The following NPSR1 variants were observed in gnomAD, a reference collection of about 807,000 sequenced individuals.
NPSR1 encodes neuropeptide S receptor 1, also known as neuropeptide S receptor.
A neutral mutation model predicts 46.9 loss-of-function variants in NPSR1; 48 were observed. The ratio of observed to expected loss-of-function variants is 1.02; its 90% CI spans 0.81 to 1.30. NPSR1 has a LOEUF of 1.30. Among genes scored for constraint, NPSR1 ranks in the 50% most tolerant of loss-of-function variants. NPSR1 has a pLI of 0.00. For synonymous variants in NPSR1, 176 were observed against 168.1 expected (o/e 1.05, Z -0.36); for missense variants, 450 against 449.5 (o/e 1.00, Z -0.01).
intron 3 of NPSR1, among the ~76,000 whole-genome samples, chr7:34,784,974 G>T (rs963893508): frequency 6.6e-6 from 1 of 152,052 alleles, no homozygotes; most frequent in Non-Finnish European, 1.5e-5. Context: ...TCAGTGTGGC[G>T]ATTCCTCAGG....
At position 34,776,882 on chromosome 7, in the gene NPSR1, G is replaced by A. The variant is rs563270864; in HGVS notation, c.281-1580G>A. On this transcript the variant is annotated intron_variant, in intron 2 of 8. Transcript: ENST00000360581. ...TCCAGGAGCTAGAGCTTGGAAAGGCGGCCTCTCAGAGCTGACTAGTGCCCT... is the reference window on the plus strand; with the variant it reads ...TCCAGGAGCTAGAGCTTGGAAAGGCAGCCTCTCAGAGCTGACTAGTGCCCT... Among the ~76,000 whole-genome samples the A allele has an allele frequency of 6.6e-5, 10 of 152,276 alleles. No individual in the cohort carries two copies. The East Asian group carries it at 1.2e-3, about 18-fold the overall frequency.
chr7:34,871,160 T>G (rs1791444318), intron 8 of NPSR1, among the ~76,000 whole-genome samples: 2 of 151,792 alleles, frequency 1.3e-5, no homozygotes, highest in African/African-American at 4.9e-5. Flanking sequence ...CATCTGCTTC[T>G]GCTGAGGGCC....
intron 3 of NPSR1, among the ~76,000 whole-genome samples, chr7:34,798,213 A>G (rs973952731): frequency 5.9e-5 from 9 of 152,212 alleles, no homozygotes; most frequent in African/African-American, 1.9e-4. Flanking sequence ...ACCACTTATT[A>G]GGATAAGTGA....
intron 2 of NPSR1, among the ~76,000 whole-genome samples, chr7:34,772,136 C>A (rs748735402): frequency 6.6e-6 from 1 of 152,172 alleles, no homozygotes; most frequent in Non-Finnish European, 1.5e-5. Context: ...AATGGCAATT[C>A]ATTCAAGCAT....
chr7:34,875,183 G>T (rs1460481769), intron 8 of NPSR1, among the ~76,000 whole-genome samples: 2 of 152,156 alleles, frequency 1.3e-5, no homozygotes, highest in Non-Finnish European at 1.5e-5. Context: ...ATGAAATTCA[G>T]GCCCTAGTCC....
intron 3 of NPSR1, among the ~76,000 whole-genome samples, chr7:34,795,545 T>C (rs111552730): frequency 8.7e-4 from 133 of 152,186 alleles, no homozygotes; most frequent in African/African-American, 2.9e-3. Context: ...CCAGAACTAA[T>C]AGGCAATTAA....
At chr7:34,784,000 A>T (rs529466597) in intron 3 of NPSR1, among the ~76,000 whole-genome samples, 4 of 152,300 alleles carry the variant, frequency 2.6e-5, no homozygotes, top group Non-Finnish European at 5.9e-5. Context: ...TTTTCCAAAA[A>T]TTCTACACAG....
chr7:34,825,944 G>C (rs1222717483), intron 4 of NPSR1, among the ~76,000 whole-genome samples: 1 of 152,098 alleles, frequency 6.6e-6, no homozygotes, highest in African/African-American at 2.4e-5. Flanking sequence ...AGCCCACCTA[G>C]GGAGAAAAGA....
At chr7:34,789,973 T>C (rs187004642) in intron 3 of NPSR1, among the ~76,000 whole-genome samples, 34 of 152,096 alleles carry the variant, frequency 2.2e-4, no homozygotes, top group African/African-American at 7.9e-4. Flanking sequence ...GCAATCTTTC[T>C]CAAAGTCTTC....
intron 1 of NPSR1, among the ~76,000 whole-genome samples, chr7:34,673,488 T>G (rs1194995097): frequency 1.3e-5 from 2 of 152,204 alleles, no homozygotes; most frequent in African/African-American, 2.4e-5. Flanking sequence ...CCATACTACA[T>G]GGGAGTTCAC....
intron 2 of NPSR1, among the ~76,000 whole-genome samples, chr7:34,767,270 G>C (rs1370466078): frequency 6.6e-6 from 1 of 152,074 alleles, no homozygotes; most frequent in Non-Finnish European, 1.5e-5. Context: ...TCTTATTTTT[G>C]CAACTTTAAT....
At chr7:34,823,307 G>T (rs1157107694) in intron 4 of NPSR1, among the ~76,000 whole-genome samples, 1 of 149,360 alleles carries the variant, frequency 6.7e-6, no homozygotes, top group Non-Finnish European at 1.5e-5. Context: ...CACAAGAATC[G>T]CTTGAACCTG....
intron 3 of NPSR1, among the ~76,000 whole-genome samples, chr7:34,792,688 TGTATATATATACGTATATATATATA>T (rs1787965894): frequency 2.6e-5 from 3 of 115,516 alleles, no homozygotes; most frequent in East Asian, 4.9e-4. Flanking sequence ...TATATATATA[TGTATATATATACGTATATATATATA>T]TTTATATATA....
At chr7:34,852,907 T>C (rs1263703795), downstream of NPSR1, among the ~76,000 whole-genome samples, 1 of 152,194 alleles carries the variant, frequency 6.6e-6, no homozygotes, top group African/African-American at 2.4e-5. Context: ...AGAAAATAAG[T>C]GACTCTACTT....
intron 3 of NPSR1, among the ~76,000 whole-genome samples, chr7:34,793,332 T>C (rs1431268880): frequency 6.6e-6 from 1 of 152,014 alleles, no homozygotes; most frequent in Non-Finnish European, 1.5e-5. Context: ...CCAGAATATA[T>C]GAGAAACTCA....
At position 34,735,714 on chromosome 7, in the gene NPSR1, G is replaced by A. The variant is rs149922754; in HGVS notation, c.281-42748G>A. 5.5e-4 allele frequency among the ~76,000 whole-genome samples: 84 copies of A among 152,312 alleles called. 3 individuals are homozygous for A. The East Asian group carries it at 0.016, about 29-fold the overall frequency. The stretch of plus-strand genomic sequence containing the variant: ...AGTTAAGGTTTTGATACTCTCCCCT[G>A]AGGAAGTCATCTAAAACTGCTGATA... On this transcript the variant is annotated intron_variant, in intron 2 of 8. Transcript: ENST00000360581.
chr7:34,750,870 TAGG>T (rs901051917), intron 2 of NPSR1: 4 of 702,836 alleles, frequency 5.7e-6, no homozygotes, highest in African/African-American at 3.5e-5. Context: ...GGTGATGATG[TAGG>T]AGAAGAACTG....
At chr7:34,682,254 C>G (rs1792680178) in intron 1 of NPSR1, among the ~76,000 whole-genome samples, 1 of 152,186 alleles carries the variant, frequency 6.6e-6, no homozygotes, top group South Asian at 2.1e-4. Context: ...CAGCACTGCC[C>G]TGGGCCATTC....
intron 3 of NPSR1, among the ~76,000 whole-genome samples, chr7:34,794,359 T>C (rs1457758034): frequency 2.0e-5 from 3 of 152,034 alleles, no homozygotes; most frequent in Non-Finnish European, 4.4e-5. Context: ...TTATTCTGGC[T>C]CAATTGAAAA....
Sources: allele counts gnomAD v4.1 joint callset (sites outside exome capture counted in the v4.1 genomes callset), GRCh38; gene constraint gnomAD v4.1.1; transcripts MANE v1.5; gene names NCBI Gene and HGNC (gene_info 2026-07-23, HGNC 2026-07-21).